PLA2R1: variants seen among roughly 807,000 people sequenced by gnomAD.
PLA2R1 encodes the protein secretory phospholipase A2 receptor.
In PLA2R1, 158 loss-of-function variants were observed where a neutral mutation model predicts 195.9. That is an observed-to-expected ratio of 0.81 (90% CI 0.71 to 0.92). The LOEUF is 0.92. Among genes scored for constraint, PLA2R1 ranks in the 40% least tolerant of loss-of-function variants. The pLI, the probability that PLA2R1 is intolerant of heterozygous loss-of-function variation, is 0.00. For missense variants in PLA2R1, 1,626 were observed against 1,764.6 expected, an observed-to-expected ratio of 0.92 and a Z score of 1.41; for synonymous variants, 586 against 598.2, an observed-to-expected ratio of 0.98 and a Z score of 0.30.
At chr2:160,030,502 TTCTTA>T (rs1304569309) in intron 4 of PLA2R1, among the ~76,000 whole-genome samples, 1 of 152,260 alleles carries the variant, frequency 6.6e-6, no homozygotes, top group African/African-American at 2.4e-5. Flanking sequence ...ACGTTAATTA[TTCTTA>T]TCTTAGAATT....
chr2:159,930,713 A>C (rs562231833), downstream of PLA2R1, among the ~76,000 whole-genome samples: 2 of 152,224 alleles, frequency 1.3e-5, no homozygotes, highest in South Asian at 4.1e-4. Context: ...TGATGTATCC[A>C]CCTCACCACA....
intron 8 of PLA2R1, among the ~76,000 whole-genome samples, chr2:160,019,797 C>T (rs886885543): frequency 1.1e-4 from 17 of 151,628 alleles, no homozygotes; most frequent in African/African-American, 3.4e-4. Flanking sequence ...TATTCTTCCC[C>T]CTTCTCTCTG....
rs1241749449 is a variant in PLA2R1 at position 159,944,944 on chromosome 2, C to T, written c.4106G>A (p.Cys1369Tyr). Reference sequence around the variant, plus strand: ...ACATATAAAGCCTTTTTTTTCTTGACACGGGGATAGCTGCCATAATCCTTC... The same window carrying T: ...ACATATAAAGCCTTTTTTTTCTTGATACGGGGATAGCTGCCATAATCCTTC... ...IPEGLWQLSP[C>Y]QEKKGFICKM... The change falls in exon 28 of 30, where the codon TGT (cysteine) becomes TAT (tyrosine). Residue 1369 changes from cysteine to tyrosine, a missense_variant. Physicochemically the swap from Cys to Tyr is radical, Grantham distance 194 (BLOSUM62 -2). Transcript: ENST00000283243. 6.2e-7 allele frequency: 1 copy of T among 1,612,482 alleles called. No individual in the cohort carries two copies. Among genetic ancestry groups the T allele is most frequent in the Non-Finnish European group, 8.5e-7 (1 of 1,179,172 alleles).
intron 15 of PLA2R1, 63 bp from the exon 16 acceptor site, chr2:159,976,783 A>G (rs1457010347): frequency 1.7e-6 from 2 of 1,203,374 alleles, no homozygotes; most frequent in East Asian, 2.3e-5. Flanking sequence ...TCTGTGAATT[A>G]CTTCAGCTCT....
chr2:160,011,799 T>TGGAGG (rs1692379858), intron 10 of PLA2R1, among the ~76,000 whole-genome samples: 1 of 152,168 alleles, frequency 6.6e-6, no homozygotes, highest in African/African-American at 2.4e-5. Context: ...TTCTGCCTGT[T>TGGAGG]AGCCAAACCT....
intron 19 of PLA2R1, among the ~76,000 whole-genome samples, chr2:159,968,944 T>C (rs969181009): frequency 6.6e-6 from 1 of 152,346 alleles, no homozygotes; most frequent in African/African-American, 2.4e-5. Context: ...AGTGCTTCCA[T>C]TGAAATACCA....
chr2:160,004,021 A>T (rs544068460), intron 11 of PLA2R1, among the ~76,000 whole-genome samples: 1 of 152,370 alleles, frequency 6.6e-6, no homozygotes, highest in African/African-American at 2.4e-5. Flanking sequence ...GCATAAATGT[A>T]TTTAAATGCA....
intron 11 of PLA2R1, among the ~76,000 whole-genome samples, chr2:160,000,135 A>C (rs959239672): frequency 6.6e-6 from 1 of 152,098 alleles, no homozygotes; most frequent in Non-Finnish European, 1.5e-5. Flanking sequence ...TTTTAAGGGA[A>C]AGGAGATGAA....
rs1234833927 is a variant in PLA2R1 at position 159,987,335 on chromosome 2, T to C, written c.1858A>G (p.Met620Val). ...CGACCAAGTGGATGCCTTCCTCGCATGGCAACACAGCCACCACTGTAGCCT... is the reference window on the plus strand; with the variant it reads ...CGACCAAGTGGATGCCTTCCTCGCACGGCAACACAGCCACCACTGTAGCCT... Reference protein sequence around the residue: ...QPRYSGGCVAMRGRHPLGRWE... With the variant: ...QPRYSGGCVAVRGRHPLGRWE... The change falls in exon 12 of 30, where the codon ATG (methionine) becomes GTG (valine). Residue 620 changes from methionine to valine, a missense_variant. Transcript: ENST00000283243. The C allele has an allele frequency of 3.7e-6, 6 of 1,611,542 alleles. No homozygotes were observed. Among genetic ancestry groups the C allele is most frequent in the East Asian group, 2.2e-5 (1 of 44,798 alleles).
chr2:160,011,810 G>A lies in PLA2R1; in HGVS notation c.1664+1453C>T, dbSNP rs141733660. On this transcript the variant is annotated intron_variant, in intron 10 of 29. Coordinates refer to ENST00000283243, the MANE Select transcript of PLA2R1 (RefSeq NM_007366.5). ...TTTCTTCTGCCTGTTAGCCAAACCT[G>A]GGAGGAGAAAGGTAGAACTAAAAAC... 2.6e-3 allele frequency among the ~76,000 whole-genome samples: 389 copies of A among 152,246 alleles called. 2 individuals carry two copies. The highest frequency in any genetic ancestry group is 4.9e-3 in the Non-Finnish European group (330 of 68,010).
intron 6 of PLA2R1, among the ~76,000 whole-genome samples, chr2:160,024,032 T>C (rs1183250751): frequency 2.0e-5 from 3 of 148,166 alleles, no homozygotes; most frequent in Non-Finnish European, 4.4e-5. Flanking sequence ...TGAGGACCCC[T>C]GCAGCCCCCA....
At chr2:160,043,358 C>T (rs550665471) in intron 2 of PLA2R1, among the ~76,000 whole-genome samples, 9 of 152,210 alleles carry the variant, frequency 5.9e-5, no homozygotes, top group Admixed American at 1.3e-4. Context: ...GCAGACGTGG[C>T]CTGCTGGCTG....
In PLA2R1 at chr2:159,980,943, A is replaced by T. The variant is rs113443764; in HGVS notation, c.2184-1029T>A. Among the ~76,000 whole-genome samples the T allele has an allele frequency of 3.7e-3, 571 of 152,312 alleles. 1 individual carries two copies. Among genetic ancestry groups the T allele is most frequent in the African/African-American group, 0.013 (539 of 41,560 alleles). On this transcript the variant is annotated intron_variant, in intron 13 of 29. Transcript: ENST00000283243. ...CAAGAGATCACTGATGCCCGGTTGG[A>T]CATTGTCATGATGATACTAACTTTC... is the stretch of plus-strand genomic sequence containing the variant.
chr2:160,019,078 G>T (rs1022922065), intron 8 of PLA2R1, among the ~76,000 whole-genome samples: 2 of 152,162 alleles, frequency 1.3e-5, no homozygotes, highest in Non-Finnish European at 2.9e-5. Context: ...CAAATGGCTT[G>T]GGATTAAGCT....
At chr2:160,017,204 G>T (rs752056067) in intron 8 of PLA2R1, among the ~76,000 whole-genome samples, 1 of 152,108 alleles carries the variant, frequency 6.6e-6, no homozygotes, top group Admixed American at 6.6e-5. Context: ...TCTCAATCTC[G>T]AGTGTGCTCC....
the PLA2R1 span, among the ~76,000 whole-genome samples, chr2:159,925,954 G>T: frequency 6.6e-6 from 1 of 152,164 alleles, no homozygotes; most frequent in African/African-American, 2.4e-5. Flanking sequence ...GATTTGATGT[G>T]ACCTTTTTGG....
chr2:159,977,830 C>A (rs1447970514), intron 14 of PLA2R1, among the ~76,000 whole-genome samples: 1 of 151,966 alleles, frequency 6.6e-6, no homozygotes, highest in Non-Finnish European at 1.5e-5. Flanking sequence ...GTAGTCCCAG[C>A]TACTCGGGAG....
At chr2:159,996,298 C>T (rs1691206929) in intron 11 of PLA2R1, among the ~76,000 whole-genome samples, 1 of 152,008 alleles carries the variant, frequency 6.6e-6, no homozygotes. Flanking sequence ...TTAAAGGATA[C>T]TTTCACAGAG....
chr2:159,954,110 G>A (rs1003909802), intron 23 of PLA2R1, among the ~76,000 whole-genome samples: 1 of 152,152 alleles, frequency 6.6e-6, no homozygotes, highest in African/African-American at 2.4e-5. Context: ...TAGGATTACT[G>A]GCGTGAGCCA....
Sources: allele counts gnomAD v4.1 joint callset (sites outside exome capture counted in the v4.1 genomes callset), GRCh38; gene constraint gnomAD v4.1.1; transcripts MANE v1.5; gene names NCBI Gene and HGNC (gene_info 2026-07-23, HGNC 2026-07-21).